REPS1: variants seen among roughly 807,000 people sequenced by gnomAD.
The protein encoded by REPS1 is ralBP1-associated Eps domain-containing protein 1.
REPS1 carries 39 observed loss-of-function variants against 100.9 expected under a neutral mutation model. The observed-to-expected ratio is 0.39, with a 90% CI of 0.30 to 0.50. REPS1 has a LOEUF of 0.50. REPS1 is among the 20% of genes least tolerant of loss of function. The pLI, the probability that REPS1 is intolerant of heterozygous loss-of-function variation, is 0.86. For synonymous variants in REPS1, 324 were observed against 340.3 expected, an observed-to-expected ratio of 0.95 and a Z score of 0.53; for missense variants, 821 against 968.5, an observed-to-expected ratio of 0.85 and a Z score of 2.02.
intron 18 of REPS1, 68 bp from the exon 19 acceptor site, chr6:138,907,668 T>A: frequency 1.0e-6 from 1 of 966,970 alleles, no homozygotes. Context: ...CTCTATTCCT[T>A]CCTGATCTAT....
At chr6:138,935,797 T>C (rs1413142000) in intron 8 of REPS1, among the ~76,000 whole-genome samples, 1 of 124,194 alleles carries the variant, frequency 8.1e-6, no homozygotes, top group Non-Finnish European at 1.6e-5. Context: ...GAGGTTGCAG[T>C]GAGCCAAGAT....
intron 7 of REPS1, 34 bp from the exon 8 acceptor site, chr6:138,941,523 T>C: frequency 1.3e-6 from 2 of 1,582,336 alleles, no homozygotes; most frequent in Non-Finnish European, 1.7e-6. Context: ...TATAATCACA[T>C]TCCGCTTTGG....
rs550925666 is a variant in REPS1, at chr6:138,907,751, G to T, written c.2217-151C>A. On this transcript the variant is annotated intron_variant, in intron 18 of 19. Coordinates refer to ENST00000450536, the MANE Select transcript of REPS1 (RefSeq NM_001286611.2). ...GCTCAACCTCACTTGCTCAGTTGCAGTAGTATATAAGCTTCAGCACTATAG... is the reference window on the plus strand; with the variant it reads ...GCTCAACCTCACTTGCTCAGTTGCATTAGTATATAAGCTTCAGCACTATAG... 1.1e-4 allele frequency: 60 copies of T among 539,584 alleles called. 1 individual carries two copies. In the East Asian group the frequency reaches 1.6e-3, roughly 14 times the overall value. 33.4% of individuals were successfully genotyped at this position (539,584 alleles called of 1,614,324 possible). A position where few individuals can be genotyped will look rare whatever the true frequency, so the allele number is the denominator to read the frequency against.
rs1779737651 is a variant in REPS1 at position 138,907,482 on chromosome 6, G to C, written c.2322+13C>G. On this transcript the variant is annotated intron_variant, in intron 19 of 19. Transcript: ENST00000450536. ...AGATAAGGAACATTATAAAGATTCA[G>C]AAACTATATTACCTTTAATTGTTGC... 1 of 1,583,430 alleles carries C rather than the reference G, an allele frequency of 6.3e-7. No individual in the cohort carries two copies. Among genetic ancestry groups the C allele is most frequent in the Non-Finnish European group, 8.7e-7 (1 of 1,153,164 alleles).
chr6:138,944,403 T>C lies in REPS1; in HGVS notation c.753+95A>G. ...TTTTAAATAAATGAGTGGATTTGCA[T>C]TTATAAAATCTGCAACAGCAAAATA... On this transcript the variant is annotated intron_variant, in intron 5 of 19. Transcript: ENST00000450536. 9 of 1,384,990 alleles carry C rather than the reference T, an allele frequency of 6.5e-6. No individual in the cohort carries two copies. In the South Asian group the frequency reaches 9.7e-5, roughly 15 times the overall value. 85.8% of individuals were successfully genotyped at this position (1,384,990 alleles called of 1,614,324 possible). A position where few individuals can be genotyped will look rare whatever the true frequency, so the allele number is the denominator to read the frequency against.
chr6:138,914,988 C>G (rs1780254862), intron 14 of REPS1: 1 of 509,044 alleles, frequency 2.0e-6, no homozygotes. Context: ...ACATGAAGCC[C>G]TCCTGGCATA....
intron 1 of REPS1, among the ~76,000 whole-genome samples, chr6:138,949,788 T>C (rs1436217320): frequency 6.6e-6 from 1 of 152,160 alleles, no homozygotes; most frequent in East Asian, 1.9e-4. Context: ...ATGGAATTAA[T>C]TCATTTATTC....
chr6:138,943,309 C>T (rs1354716511), intron 7 of REPS1, among the ~76,000 whole-genome samples: 1 of 152,200 alleles, frequency 6.6e-6, no homozygotes, highest in African/African-American at 2.4e-5. Flanking sequence ...AGAATTTTAG[C>T]TCTTTACAAA....
intron 1 of REPS1, among the ~76,000 whole-genome samples, chr6:138,985,145 C>G (rs1276882067): frequency 6.6e-6 from 1 of 152,178 alleles, no homozygotes; most frequent in East Asian, 1.9e-4. Flanking sequence ...AAACACTAGT[C>G]CTTGAAAAGG....
intron 1 of REPS1, among the ~76,000 whole-genome samples, chr6:138,951,969 T>C (rs1449575075): frequency 1.3e-5 from 2 of 152,204 alleles, no homozygotes; most frequent in East Asian, 3.9e-4. Flanking sequence ...CCACTTGAAA[T>C]ACCTGTTAGG....
rs921294732 is a variant in REPS1, at chr6:138,929,861, T to A, written c.1257+116A>T. 6 of 963,316 alleles carry A rather than the reference T, an allele frequency of 6.2e-6. No individual in the cohort carries two copies. In the African/African-American group the frequency reaches 6.5e-5, roughly 10 times the overall value. 59.7% of individuals were successfully genotyped at this position (963,316 alleles called of 1,614,324 possible). ...CAAACATTTATCATAGTATATCTGA[T>A]ATGTTCTCTCAATTATGCATGCATG... On this transcript the variant is annotated intron_variant, in intron 9 of 19. Transcript: ENST00000450536.
intron 15 of REPS1, among the ~76,000 whole-genome samples, chr6:138,913,327 T>C (rs944471253): frequency 1.3e-5 from 2 of 152,146 alleles, no homozygotes; most frequent in African/African-American, 4.8e-5. Context: ...TATTTTTTTT[T>C]AATGTTTCAC....
intron 10 of REPS1, among the ~76,000 whole-genome samples, chr6:138,924,765 C>T (rs1039446527): frequency 3.9e-5 from 6 of 152,142 alleles, no homozygotes; most frequent in Non-Finnish European, 8.8e-5. Flanking sequence ...TTCTAATTTA[C>T]AGAACTTGTC....
rs557260615 is a variant in REPS1 at position 138,926,733 on chromosome 6, C to T, written c.1258-252G>A. 3 of 360,694 alleles carry T rather than the reference C, an allele frequency of 8.3e-6. No individual in the cohort carries two copies. In the South Asian group the frequency reaches 1.2e-4, roughly 14 times the overall value. 22.3% of individuals were successfully genotyped at this position (360,694 alleles called of 1,614,324 possible). ...CAATCTCTATGGAAGAGATTTAAAGCCTTACAGAGTTAAAATAAAACACAA... is the reference window on the plus strand; with the variant it reads ...CAATCTCTATGGAAGAGATTTAAAGTCTTACAGAGTTAAAATAAAACACAA... On this transcript the variant is annotated intron_variant, in intron 9 of 19. Transcript: ENST00000450536.
chr6:138,958,191 T>A (rs1209689873), intron 1 of REPS1, among the ~76,000 whole-genome samples: 1 of 152,130 alleles, frequency 6.6e-6, no homozygotes, highest in African/African-American at 2.4e-5. Flanking sequence ...CTACATAAAG[T>A]GGAGTTTTAA....
At chr6:138,949,953 T>C (rs1240119461) in intron 1 of REPS1, among the ~76,000 whole-genome samples, 1 of 152,144 alleles carries the variant, frequency 6.6e-6, no homozygotes, top group African/African-American at 2.4e-5. Context: ...AGTTTATCTG[T>C]TTTTTCCAAA....
intron 1 of REPS1, among the ~76,000 whole-genome samples, chr6:138,972,683 TAAAAAAAAAAA>T (rs11330627): frequency 7.5e-6 from 1 of 133,074 alleles, no homozygotes. Context: ...ACAATACCAC[TAAAAAAAAAAA>T]AAAAAAAATT....
chr6:138,966,559 T>C (rs965057862), intron 1 of REPS1, among the ~76,000 whole-genome samples: 1 of 152,172 alleles, frequency 6.6e-6, no homozygotes, highest in African/African-American at 2.4e-5. Context: ...CTGACCATAC[T>C]TGCTCAAGGA....
intron 1 of REPS1, among the ~76,000 whole-genome samples, chr6:138,957,367 T>C (rs1783453724): frequency 6.6e-6 from 1 of 152,106 alleles, no homozygotes; most frequent in African/African-American, 2.4e-5. Flanking sequence ...ACACTGAATA[T>C]CAGAAAACAA....
Sources: gnomAD v4.1 joint callset for allele counts (sites outside exome capture counted in the v4.1 genomes callset) on GRCh38, gnomAD v4.1.1 for gene constraint, MANE v1.5 for transcripts, NCBI Gene and HGNC (gene_info 2026-07-23, HGNC 2026-07-21) for gene names.